OSBPL10: variants seen among roughly 807,000 people sequenced by gnomAD.
OSBPL10 encodes the protein oxysterol binding protein like 10, also known as oxysterol-binding protein-related protein 10.
Under a neutral mutation model 81.7 loss-of-function variants are expected in OSBPL10, and 49 were observed. That is an observed-to-expected ratio of 0.60 (90% CI 0.48 to 0.76). The LOEUF (loss-of-function observed/expected upper bound fraction) is 0.76. OSBPL10 is among the 30% of genes least tolerant of loss of function. The pLI, the probability that OSBPL10 is intolerant of heterozygous loss-of-function variation, is 0.00. For missense variants in OSBPL10, 923 were observed against 987.8 expected (o/e 0.93, Z 0.88); for synonymous variants, 419 against 383.6 (o/e 1.09, Z -1.08).
At chr3:31,757,281 G>A (rs929272587) in intron 4 of OSBPL10, among the ~76,000 whole-genome samples, 15 of 152,052 alleles carry the variant, frequency 9.9e-5, no homozygotes, top group African/African-American at 3.1e-4. Flanking sequence ...TCCCTAATCC[G>A]GTATGACTGG....
At chr3:31,697,330 C>T (rs1401327448) in intron 7 of OSBPL10, among the ~76,000 whole-genome samples, 1 of 152,110 alleles carries the variant, frequency 6.6e-6, no homozygotes, top group Non-Finnish European at 1.5e-5. Flanking sequence ...ACAGGCAAGA[C>T]CAGCAGAAGA....
At chr3:31,717,110 T>C (rs1304943181) in intron 6 of OSBPL10, 1 of 152,196 alleles carries the variant, frequency 6.6e-6, no homozygotes, top group Non-Finnish European at 1.5e-5. Context: ...AAAAGCAAAA[T>C]GCATTAAGAA....
chr3:31,695,608 C>G (rs145724135), intron 7 of OSBPL10, among the ~76,000 whole-genome samples: 1 of 152,232 alleles, frequency 6.6e-6, no homozygotes, highest in Non-Finnish European at 1.5e-5. Context: ...AATCCAGCCC[C>G]TCACATTCTG....
At chr3:31,691,172 G>C (rs746890125) in intron 7 of OSBPL10, among the ~76,000 whole-genome samples, 2 of 152,014 alleles carry the variant, frequency 1.3e-5, no homozygotes, top group Admixed American at 6.5e-5. Flanking sequence ...GAACTATTTG[G>C]GGGGAAGGAA....
At chr3:31,700,393 T>C (rs1051536724) in intron 7 of OSBPL10, 2 of 152,202 alleles carry the variant, frequency 1.3e-5, no homozygotes, top group Non-Finnish European at 2.9e-5. Context: ...CCCTCAATAT[T>C]TTCTTGCTTC....
At chr3:32,070,415 A>C (rs1345533767) in intron 1 of OSBPL10, among the ~76,000 whole-genome samples, 2 of 152,134 alleles carry the variant, frequency 1.3e-5, no homozygotes, top group Non-Finnish European at 2.9e-5. Flanking sequence ...CCTGGACTAC[A>C]GTCACATCTT....
intron 1 of OSBPL10, among the ~76,000 whole-genome samples, chr3:31,906,092 G>C (rs1696403439): frequency 6.6e-6 from 1 of 152,092 alleles, no homozygotes; most frequent in South Asian, 2.1e-4. Context: ...ACTTCAGTTG[G>C]CTCTGCTGCC....
intron 4 of OSBPL10, among the ~76,000 whole-genome samples, chr3:31,756,809 G>A (rs1697901737): frequency 6.6e-6 from 1 of 152,194 alleles, no homozygotes; most frequent in Non-Finnish European, 1.5e-5. Context: ...TTTTAAAATA[G>A]GGGGAAACCT....
chr3:31,933,178 A>G (rs1457845720), intron 1 of OSBPL10, among the ~76,000 whole-genome samples: 1 of 152,088 alleles, frequency 6.6e-6, no homozygotes, highest in East Asian at 1.9e-4. Context: ...AACTTCCCAC[A>G]CTGTTATTGT....
chr3:31,716,816 A>G (rs1696457942), intron 6 of OSBPL10, among the ~76,000 whole-genome samples: 2 of 152,202 alleles, frequency 1.3e-5, no homozygotes, highest in African/African-American at 4.8e-5. Context: ...GAAAGCTATC[A>G]CCTTTGATTG....
At chr3:31,872,159 A>C (rs545530996) in intron 3 of OSBPL10, among the ~76,000 whole-genome samples, 1 of 152,316 alleles carries the variant, frequency 6.6e-6, no homozygotes, top group South Asian at 2.1e-4. Flanking sequence ...GGATGAACCT[A>C]TGTGACATGG....
intron 6 of OSBPL10, among the ~76,000 whole-genome samples, chr3:31,721,005 A>T (rs1172178360): frequency 2.6e-5 from 4 of 152,124 alleles, no homozygotes; most frequent in Non-Finnish European, 4.4e-5. Context: ...ATCTTAAAAC[A>T]GGGAGATTTT....
intron 2 of OSBPL10, among the ~76,000 whole-genome samples, chr3:32,000,015 A>T (rs936916438): frequency 7.2e-4 from 109 of 152,066 alleles, no homozygotes; most frequent in African/African-American, 2.6e-3. Flanking sequence ...CAGGGAGATG[A>T]TCTTTGCCAC....
chr3:31,792,630 G>A (rs866782083), intron 4 of OSBPL10, among the ~76,000 whole-genome samples: 41 of 151,850 alleles, frequency 2.7e-4, no homozygotes, highest in Admixed American at 3.9e-4. Flanking sequence ...TATGTTTTAC[G>A]CTGTCAGCTA....
At chr3:31,869,259 C>T (rs1223770752) in intron 3 of OSBPL10, among the ~76,000 whole-genome samples, 2 of 152,188 alleles carry the variant, frequency 1.3e-5, no homozygotes, top group East Asian at 3.8e-4. Context: ...CTCAATACAT[C>T]ATTGGCAGAG....
Position 31,990,309 on chromosome 3 carries a change from T to C in OSBPL10, n.298+56182A>G, listed in dbSNP as rs750936207. The C allele has an allele frequency of 4.3e-6, 7 of 1,613,962 alleles. No homozygotes were observed. The East Asian group carries it at 1.6e-4, about 36-fold the overall frequency. ...ATTGTCACAAAGTCTTCAGTAATGC[T>C]ACAACCATTGCAAATCATTGGAGAA... On this transcript the variant is annotated intron_variant and non_coding_transcript_variant, in intron 2 of 3. Coordinates refer to the OSBPL10 transcript ENST00000479173.
At chr3:31,978,220 T>C (rs1698737408) in intron 1 of OSBPL10, among the ~76,000 whole-genome samples, 1 of 152,116 alleles carries the variant, frequency 6.6e-6, no homozygotes, top group South Asian at 2.1e-4. Context: ...TGCTATAGAT[T>C]TGTCATTAAC....
At chr3:31,904,072 G>GT (rs1427555995) in intron 1 of OSBPL10, among the ~76,000 whole-genome samples, 9 of 152,102 alleles carry the variant, frequency 5.9e-5, no homozygotes, top group Non-Finnish European at 4.4e-5. Context: ...TTCTCACAAG[G>GT]GCTGACAGGT....
chr3:31,713,255 C>A (rs1298694577), intron 6 of OSBPL10, among the ~76,000 whole-genome samples: 1 of 152,172 alleles, frequency 6.6e-6, no homozygotes, highest in Non-Finnish European at 1.5e-5. Context: ...CTTGTTCATT[C>A]TGCTCACCCC....
Sources: allele counts gnomAD v4.1 joint callset (sites outside exome capture counted in the v4.1 genomes callset), GRCh38; gene constraint gnomAD v4.1.1; transcripts MANE v1.5; gene names NCBI Gene and HGNC (gene_info 2026-07-23, HGNC 2026-07-21).